LUZP2: variants seen among roughly 807,000 people sequenced by gnomAD.
LUZP2 encodes the protein leucine zipper protein 2.
Under a neutral mutation model 51.6 loss-of-function variants are expected in LUZP2, and 52 were observed. The ratio of observed to expected loss-of-function variants is 1.01; its 90% CI spans 0.81 to 1.27. The LOEUF (loss-of-function observed/expected upper bound fraction) is 1.27. Among genes scored for constraint, LUZP2 ranks in the 50% most tolerant of loss-of-function variants. LUZP2 has a pLI of 0.00. For synonymous variants in LUZP2, 154 were observed against 137.3 expected (o/e 1.12, Z -0.85); for missense variants, 436 against 395.4 (o/e 1.10, Z -0.87).
chr11:24,574,188 TTC>T (rs1852535271), intron 1 of LUZP2, among the ~76,000 whole-genome samples: 1 of 148,466 alleles, frequency 6.7e-6, no homozygotes, highest in Non-Finnish European at 1.5e-5. Context: ...TTTCTTTTCT[TTC>T]TTTCTTTCTC....
At chr11:24,532,823 C>G (rs538722719) in intron 1 of LUZP2, among the ~76,000 whole-genome samples, 22 of 150,866 alleles carry the variant, frequency 1.5e-4, no homozygotes, top group Middle Eastern at 3.4e-3. Context: ...TTTAGTCATG[C>G]CTTTGAATTT....
intron 7 of LUZP2, among the ~76,000 whole-genome samples, chr11:24,931,281 T>G (rs1348483192): frequency 6.6e-6 from 1 of 151,262 alleles, no homozygotes; most frequent in African/African-American, 2.4e-5. Context: ...AAAAGTTCTT[T>G]TTTATTTATC....
At chr11:24,780,980 A>G (rs1339450412) in intron 5 of LUZP2, among the ~76,000 whole-genome samples, 1 of 152,154 alleles carries the variant, frequency 6.6e-6, no homozygotes, top group Non-Finnish European at 1.5e-5. Flanking sequence ...AAAGAGAAAT[A>G]AAAGTCATAT....
At chr11:24,688,027 C>A (rs1856949060) in intron 1 of LUZP2, among the ~76,000 whole-genome samples, 1 of 152,188 alleles carries the variant, frequency 6.6e-6, no homozygotes, top group East Asian at 1.9e-4. Context: ...CTTTCTCTCT[C>A]TCTCTCTGTC....
chr11:24,952,468 A>G (rs965847493), intron 7 of LUZP2, among the ~76,000 whole-genome samples: 7 of 151,760 alleles, frequency 4.6e-5, no homozygotes, highest in Admixed American at 2.0e-4. Context: ...TAGGACAAAG[A>G]AAAGGTAGAA....
chr11:24,996,565 T>C (rs1439358412), intron 9 of LUZP2, among the ~76,000 whole-genome samples: 4 of 149,582 alleles, frequency 2.7e-5, no homozygotes, highest in Non-Finnish European at 5.9e-5. Flanking sequence ...TATTTTTCTT[T>C]TTTCTTTTTT....
chr11:24,547,753 G>T (rs1851602800), intron 1 of LUZP2, among the ~76,000 whole-genome samples: 1 of 152,076 alleles, frequency 6.6e-6, no homozygotes, highest in Non-Finnish European at 1.5e-5. Flanking sequence ...CACAGCAAAA[G>T]AAACTATCAA....
intron 1 of LUZP2, among the ~76,000 whole-genome samples, chr11:24,656,642 A>G (rs181919866): frequency 5.3e-5 from 8 of 152,290 alleles, no homozygotes; most frequent in Admixed American, 2.6e-4. Flanking sequence ...GTCTTATGCT[A>G]TTGTAGAACT....
In LUZP2 at chr11:24,921,956, A is replaced by G. The variant is rs187420362; in HGVS notation, c.522+7418A>G. 1.5e-3 allele frequency among the ~76,000 whole-genome samples: 227 copies of G among 152,268 alleles called. 1 individual carries two copies. The highest frequency in any genetic ancestry group is 5.3e-3 in the African/African-American group (219 of 41,542). ...TATGTGATCTCTTTCACAATGAAAGAATTGAAGTCTAGAGGAATTTGACAT... is the reference window on the plus strand; with the variant it reads ...TATGTGATCTCTTTCACAATGAAAGGATTGAAGTCTAGAGGAATTTGACAT... On this transcript the variant is annotated intron_variant, in intron 7 of 11. Coordinates refer to ENST00000336930, the MANE Select transcript of LUZP2 (RefSeq NM_001009909.4).
chr11:24,846,229 G>T (rs1851194123), intron 5 of LUZP2, among the ~76,000 whole-genome samples: 2 of 151,558 alleles, frequency 1.3e-5, no homozygotes, highest in Admixed American at 6.6e-5. Context: ...TCAAATATAA[G>T]ATTCAGCTAA....
At chr11:24,699,086 A>AACACACACACACAC (rs67317108) in intron 1 of LUZP2, among the ~76,000 whole-genome samples, 33 of 138,460 alleles carry the variant, frequency 2.4e-4, no homozygotes, top group Middle Eastern at 3.7e-3. Context: ...AAACCACAGA[A>AACACACACACACAC]ACACACACAC....
At chr11:24,717,152 A>ATGT (rs1373914867) in intron 1 of LUZP2, among the ~76,000 whole-genome samples, 4,280 of 152,250 alleles carry the variant, frequency 0.028, 184 homozygotes, top group African/African-American at 0.097. Context: ...ATTGATAAAC[A>ATGT]GAGTAGGTAA....
chr11:24,721,857 T>G (rs900597426), intron 1 of LUZP2, among the ~76,000 whole-genome samples: 3 of 152,146 alleles, frequency 2.0e-5, no homozygotes, highest in African/African-American at 4.8e-5. Flanking sequence ...ATAACAAAAT[T>G]TAAACTTTTA....
chr11:24,576,477 A>AT (rs1852655328), intron 1 of LUZP2, among the ~76,000 whole-genome samples: 2 of 151,416 alleles, frequency 1.3e-5, no homozygotes, highest in South Asian at 2.1e-4. Flanking sequence ...ACACAGGTCA[A>AT]TTTTTTTCTA....
intron 1 of LUZP2, among the ~76,000 whole-genome samples, chr11:24,527,087 C>T (rs1850830741): frequency 6.6e-6 from 1 of 151,356 alleles, no homozygotes. Context: ...CATTTTAACT[C>T]ATAAACATTT....
chr11:24,602,102 G>A (rs62643970), intron 1 of LUZP2, among the ~76,000 whole-genome samples: 3,510 of 80,712 alleles, frequency 0.043, 136 homozygotes, highest in Admixed American at 0.062. Flanking sequence ...GTATATATGT[G>A]TATATGTGTA....
intron 5 of LUZP2, chr11:24,891,928 G>A (rs1565064552): frequency 2.0e-6 from 2 of 985,438 alleles, no homozygotes; most frequent in Non-Finnish European, 2.4e-6. Context: ...ATGGAAAAGA[G>A]GTGAAAAATG....
intron 4 of LUZP2, among the ~76,000 whole-genome samples, chr11:24,759,690 A>G (rs960445318): frequency 6.6e-6 from 1 of 152,198 alleles, no homozygotes; most frequent in African/African-American, 2.4e-5. Context: ...ACAAATCTGT[A>G]CAAAGCAAAA....
chr11:24,608,005 C>T (rs1416029057), intron 1 of LUZP2, among the ~76,000 whole-genome samples: 1 of 151,296 alleles, frequency 6.6e-6, no homozygotes, highest in Non-Finnish European at 1.5e-5. Context: ...TCCGCCACCA[C>T]GCCCAGCTAA....
Sources: allele counts gnomAD v4.1 joint callset (sites outside exome capture counted in the v4.1 genomes callset), GRCh38; gene constraint gnomAD v4.1.1; transcripts MANE v1.5; gene names NCBI Gene and HGNC (gene_info 2026-07-23, HGNC 2026-07-21).